SNX27: variants seen among roughly 807,000 people sequenced by gnomAD.
The protein encoded by SNX27 is sorting nexin 27, also known as sorting nexin-27.
SNX27 carries 22 observed loss-of-function variants against 71.6 expected under a neutral mutation model. That is an observed-to-expected ratio of 0.31 (90% CI 0.22 to 0.44). SNX27 has a LOEUF of 0.44. Ranked by LOEUF, SNX27 falls within the 20% of genes least tolerant of loss-of-function variation. The pLI, the probability that SNX27 is intolerant of heterozygous loss-of-function variation, is 1.00. For missense variants in SNX27, 531 were observed against 698.6 expected (o/e 0.76, Z 2.70); for synonymous variants, 269 against 277.2 (o/e 0.97, Z 0.29).
chr1:151,653,843 T>G (rs1173857771), intron 2 of SNX27, among the ~76,000 whole-genome samples: 2 of 149,778 alleles, frequency 1.3e-5, no homozygotes, highest in African/African-American at 4.9e-5. Flanking sequence ...TTTGTTTTTT[T>G]TTTTTTTTGA....
At chr1:151,629,826 G>C (rs1668132371) in intron 1 of SNX27, among the ~76,000 whole-genome samples, 1 of 151,816 alleles carries the variant, frequency 6.6e-6, no homozygotes, top group African/African-American at 2.4e-5. Flanking sequence ...TGATCTGCCT[G>C]CCTCAGCCTC....
At position 151,698,045 on chromosome 1, in the gene SNX27, A is replaced by G. The variant is rs1671860509; in HGVS notation, c.*3628A>G. The stretch of plus-strand genomic sequence containing the variant: ...TTCTCCATTTTTCCACCCCGTCCTT[A>G]CCCTAGGCCTAAACACAGGTACAGA... On this transcript the variant is annotated 3_prime_UTR_variant, in exon 12 of 12. Transcript: ENST00000458013. 1 of 151,946 alleles carries G rather than the reference A, an allele frequency of 6.6e-6. No individual in the cohort carries two copies. Among genetic ancestry groups the G allele is most frequent in the Non-Finnish European group, 1.5e-5 (1 of 68,022 alleles). 9.4% of individuals were successfully genotyped at this position (151,946 alleles called of 1,614,324 possible). A position where few individuals can be genotyped will look rare whatever the true frequency, so the allele number is the denominator to read the frequency against.
chr1:151,624,564 AG>A (rs930357307), intron 1 of SNX27, among the ~76,000 whole-genome samples: 1 of 150,608 alleles, frequency 6.6e-6, no homozygotes, highest in African/African-American at 2.4e-5. Flanking sequence ...CCCAAGTAGC[AG>A]GGACTATAGG....
chr1:151,688,156 A>G (rs921351647), intron 8 of SNX27, among the ~76,000 whole-genome samples: 6 of 152,186 alleles, frequency 3.9e-5, no homozygotes, highest in Non-Finnish European at 7.3e-5. Context: ...AAACTAAGGG[A>G]AGCTGTGTCC....
intron 2 of SNX27, among the ~76,000 whole-genome samples, chr1:151,652,484 C>G (rs1411863663): frequency 3.4e-5 from 5 of 148,682 alleles, no homozygotes; most frequent in Non-Finnish European, 5.9e-5. Context: ...TCTCGGCTCA[C>G]TGCAACCTCC....
intron 1 of SNX27, among the ~76,000 whole-genome samples, chr1:151,618,889 T>C (rs1312916462): frequency 2.0e-5 from 3 of 152,168 alleles, no homozygotes; most frequent in African/African-American, 7.2e-5. Flanking sequence ...TAAGAGCCCA[T>C]GGATGGGTTG....
At chr1:151,692,630 T>A (rs145721362) in intron 9 of SNX27, 46 bp downstream of exon 9, 1 of 1,588,448 alleles carries the variant, frequency 6.3e-7, no homozygotes, top group African/African-American at 1.4e-5. Context: ...TGGAGATACT[T>A]TGATGCTCAC....
intron 1 of SNX27, among the ~76,000 whole-genome samples, chr1:151,618,110 C>G (rs779306989): frequency 6.6e-6 from 1 of 151,366 alleles, no homozygotes; most frequent in Non-Finnish European, 1.5e-5. Context: ...AAGTGATCTG[C>G]CCACTTTGGC....
intron 2 of SNX27, among the ~76,000 whole-genome samples, chr1:151,646,936 A>G (rs954255842): frequency 6.6e-5 from 10 of 151,668 alleles, no homozygotes; most frequent in African/African-American, 2.4e-4. Flanking sequence ...AATTTAAGAC[A>G]CTTACAAGAG....
intron 2 of SNX27, among the ~76,000 whole-genome samples, chr1:151,651,176 G>A (rs1205942026): frequency 4.0e-4 from 61 of 151,988 alleles, no homozygotes; most frequent in African/African-American, 1.3e-3. Context: ...CAGTAGGGGC[G>A]GCTGGGCAGA....
rs938004717 is a variant in SNX27, at chr1:151,672,984, C to T, written c.1149+4349C>T. On this transcript the variant is annotated intron_variant, in intron 7 of 11. Transcript: ENST00000458013. The stretch of plus-strand genomic sequence containing the variant: ...TATTTCAATTTAATTTATTTCTGCT[C>T]TAATCTTTATTATTTCTTTTCTTCT... Among the ~76,000 whole-genome samples, 7 of 150,752 alleles carry T rather than the reference C, an allele frequency of 4.6e-5. No homozygotes were observed. In the South Asian group the frequency reaches 1.5e-3, roughly 31 times the overall value.
At chr1:151,652,137 A>T (rs918486453) in intron 2 of SNX27, among the ~76,000 whole-genome samples, 3 of 148,504 alleles carry the variant, frequency 2.0e-5, no homozygotes, top group African/African-American at 7.4e-5. Flanking sequence ...CCGAGATGGC[A>T]GCAGTACAGT....
intron 2 of SNX27, among the ~76,000 whole-genome samples, chr1:151,652,815 A>C (rs1243130838): frequency 6.6e-6 from 1 of 152,072 alleles, no homozygotes; most frequent in African/African-American, 2.4e-5. Flanking sequence ...TTCCTTTTGC[A>C]TGAGATCTTT....
chr1:151,693,352 A>G, intron 10 of SNX27, 72 bp from the exon 11 acceptor site: 1 of 1,400,208 alleles, frequency 7.1e-7, no homozygotes. Flanking sequence ...GACTGGGGAC[A>G]GGAGTTCAAA....
rs184735026 is a variant in SNX27 at position 151,653,172 on chromosome 1, C to T, written c.544-5063C>T. Among the ~76,000 whole-genome samples the T allele has an allele frequency of 1.1e-3, 165 of 152,228 alleles. 2 individuals carry two copies. The highest frequency in any genetic ancestry group is 5.1e-3 in the Admixed American group (78 of 15,296). On this transcript the variant is annotated intron_variant, in intron 2 of 11. Coordinates refer to ENST00000458013, the MANE Select transcript of SNX27 (RefSeq NM_001330723.2). ...GAACTCCTGATCTCAGGTGATCACCCGCCTTGGCCTCCCAAAATGCTGGGA... is the reference window on the plus strand; with the variant it reads ...GAACTCCTGATCTCAGGTGATCACCTGCCTTGGCCTCCCAAAATGCTGGGA...
intron 7 of SNX27, among the ~76,000 whole-genome samples, chr1:151,673,136 G>A (rs1422531531): frequency 1.3e-5 from 2 of 151,680 alleles, no homozygotes; most frequent in Non-Finnish European, 2.9e-5. Flanking sequence ...TGCTTTTGCT[G>A]TATCCCATAG....
intron 6 of SNX27, among the ~76,000 whole-genome samples, chr1:151,667,826 CAAAAAAAAA>C (rs138979420): frequency 4.0e-5 from 3 of 74,178 alleles, no homozygotes; most frequent in African/African-American, 1.1e-4. Context: ...GACTCCGTCT[CAAAAAAAAA>C]AAAAAAAAAA....
At position 151,696,669 on chromosome 1, in the gene SNX27, TCC is replaced by T. The variant is rs1671757622; in HGVS notation, c.*2254_*2255del. ...TTTTTCTGTTTTTTTTTTTTTTTTT[TCC>T]CAGAGTCTTGCTCTGTCGCCCAGGT... On this transcript the variant is annotated 3_prime_UTR_variant, in exon 12 of 12. Coordinates refer to ENST00000458013, the MANE Select transcript of SNX27 (RefSeq NM_001330723.2). 8.5e-6 allele frequency: 1 copy of T among 117,356 alleles called. No individual in the cohort carries two copies. The highest frequency in any genetic ancestry group is 4.2e-5 in the African/African-American group (1 of 23,740). The allele number at this position is 117,356 out of a possible 1,614,324, so 7.3% of individuals were successfully genotyped here.
intron 1 of SNX27, among the ~76,000 whole-genome samples, chr1:151,623,667 T>C (rs953598320): frequency 6.6e-6 from 1 of 152,196 alleles, no homozygotes; most frequent in Admixed American, 6.5e-5. Context: ...CCCAAAGTGC[T>C]GGGATTATAA....
Sources: gnomAD v4.1 joint callset for allele counts (sites outside exome capture counted in the v4.1 genomes callset) on GRCh38, gnomAD v4.1.1 for gene constraint, MANE v1.5 for transcripts, NCBI Gene and HGNC (gene_info 2026-07-23, HGNC 2026-07-21) for gene names.